Variants in ST3GAL3 observed in about 807,000 individuals in gnomAD.
The protein encoded by ST3GAL3 is ST3 beta-galactoside alpha-2,3-sialyltransferase 3.
A neutral mutation model predicts 50.1 loss-of-function variants in ST3GAL3; 21 were observed. That is an observed-to-expected ratio of 0.42 (90% CI 0.30 to 0.60). The LOEUF is 0.60. ST3GAL3 is among the 20% of genes least tolerant of loss of function. The pLI, the probability that ST3GAL3 is intolerant of heterozygous loss-of-function variation, is 0.19. For synonymous variants in ST3GAL3, 183 were observed against 190.0 expected (o/e 0.96, Z 0.30); for missense variants, 353 against 489.4 (o/e 0.72, Z 2.63).
At chr1:43,917,403 C>T (rs1410210202) in intron 9 of ST3GAL3, among the ~76,000 whole-genome samples, 1 of 126,668 alleles carries the variant, frequency 7.9e-6, no homozygotes, top group African/African-American at 3.1e-5. Flanking sequence ...AAAATTTTTA[C>T]CACTTTTTTG....
intron 2 of ST3GAL3, among the ~76,000 whole-genome samples, chr1:43,740,527 T>C (rs1195779710): frequency 1.3e-5 from 2 of 152,084 alleles, no homozygotes; most frequent in Non-Finnish European, 2.9e-5. Context: ...GGTTCACATC[T>C]GGAATTCCAG....
chr1:43,798,897 A>G (rs1558346702), intron 3 of ST3GAL3, among the ~76,000 whole-genome samples: 1 of 152,236 alleles, frequency 6.6e-6, no homozygotes, highest in Non-Finnish European at 1.5e-5. Context: ...TAAAGAATAG[A>G]AAATTAGGAA....
At chr1:43,876,857 C>T (rs1334188796) in intron 5 of ST3GAL3, among the ~76,000 whole-genome samples, 3 of 152,172 alleles carry the variant, frequency 2.0e-5, no homozygotes, top group Non-Finnish European at 4.4e-5. Context: ...TCATTCATTA[C>T]CTATAATATG....
At chr1:43,883,158 A>G (rs1169992862) in intron 5 of ST3GAL3, among the ~76,000 whole-genome samples, 1 of 151,860 alleles carries the variant, frequency 6.6e-6, no homozygotes, top group Non-Finnish European at 1.5e-5. Context: ...TCATAATGAC[A>G]GGGTCTCAGT....
chr1:43,854,398 T>C (rs930350836), intron 5 of ST3GAL3, among the ~76,000 whole-genome samples: 1 of 152,192 alleles, frequency 6.6e-6, no homozygotes, highest in Non-Finnish European at 1.5e-5. Flanking sequence ...TATTGATCTC[T>C]TCCTCCATTT....
intron 5 of ST3GAL3, among the ~76,000 whole-genome samples, chr1:43,857,637 T>TTCCTTCCTTCCTTC (rs2068839334): frequency 6.8e-6 from 1 of 147,056 alleles, no homozygotes; most frequent in Non-Finnish European, 1.5e-5. Flanking sequence ...CCTTCCTTCC[T>TTCCTTCCTTCCTTC]CGGAGTCTTG....
chr1:43,879,755 C>G (rs2074776849), intron 5 of ST3GAL3, among the ~76,000 whole-genome samples: 2 of 152,232 alleles, frequency 1.3e-5, no homozygotes, highest in African/African-American at 4.8e-5. Context: ...AGCTTGGCCC[C>G]TGCCTTCCTC....
chr1:43,826,928 CTA>C (rs1558478229), intron 4 of ST3GAL3, among the ~76,000 whole-genome samples: 1 of 152,152 alleles, frequency 6.6e-6, no homozygotes, highest in Non-Finnish European at 1.5e-5. Context: ...TATCAGCAAA[CTA>C]TGAGTAGAGG....
chr1:43,886,591 G>T (rs949092801), intron 5 of ST3GAL3, among the ~76,000 whole-genome samples: 2 of 152,170 alleles, frequency 1.3e-5, no homozygotes, highest in Non-Finnish European at 2.9e-5. Flanking sequence ...GAGCAGAGGT[G>T]TACATTTCAG....
intron 2 of ST3GAL3, among the ~76,000 whole-genome samples, chr1:43,768,545 C>A (rs943780093): frequency 5.9e-5 from 9 of 152,206 alleles, no homozygotes; most frequent in African/African-American, 2.2e-4. Flanking sequence ...TGCCAGTGAA[C>A]AATGCCAGGA....
intron 5 of ST3GAL3, among the ~76,000 whole-genome samples, chr1:43,858,635 C>G (rs1025322220): frequency 3.3e-5 from 5 of 152,330 alleles, no homozygotes; most frequent in Admixed American, 2.6e-4. Flanking sequence ...GCAAGCAGCC[C>G]TGTGAGTTCC....
chr1:43,930,301 C>A lies in ST3GAL3; in HGVS notation c.*80C>A. 7.2e-7 allele frequency: 1 copy of A among 1,397,738 alleles called. No individual in the cohort carries two copies. The highest frequency in any genetic ancestry group is 1.0e-6 in the Non-Finnish European group (1 of 989,900). 86.6% of individuals were successfully genotyped at this position (1,397,738 alleles called of 1,614,324 possible). On this transcript the variant is annotated 3_prime_UTR_variant, in exon 12 of 12. Transcript: ENST00000347631. ...CACCACCTACACAGGAGTCTTCAGA[C>A]CCAGAGAAGGACGGTGCCAAGGGCC...
At position 43,840,488 on chromosome 1, in the gene ST3GAL3, A is replaced by T. The variant is rs1044337136; in HGVS notation, c.302+2177A>T. The T allele has an allele frequency of 2.0e-5, 3 of 152,132 alleles. No individual in the cohort carries two copies. The East Asian group carries it at 5.8e-4, about 29-fold the overall frequency. The allele number at this position is 152,132 out of a possible 1,614,324, so 9.4% of individuals were successfully genotyped here. ...TCTTAACTCATTCTAGCATTAACTCAAAAGTCCTACTGTGGTCCTGTGATC... is the reference window on the plus strand; with the variant it reads ...TCTTAACTCATTCTAGCATTAACTCTAAAGTCCTACTGTGGTCCTGTGATC... On this transcript the variant is annotated intron_variant, in intron 5 of 11. Transcript: ENST00000347631.
At chr1:43,711,292 G>A (rs1664645614) in intron 1 of ST3GAL3, among the ~76,000 whole-genome samples, 1 of 152,232 alleles carries the variant, frequency 6.6e-6, no homozygotes, top group Non-Finnish European at 1.5e-5. Flanking sequence ...ATATGGTACT[G>A]CCATGACCAT....
In ST3GAL3 at chr1:43,899,465, C is replaced by T. The variant is rs751448505; in HGVS notation, c.558-76C>T. ...CAGGTGACCTGGACTCCCTATTCTC[C>T]ATGCCTGGGATAGTCTGGGGTCATG... On this transcript the variant is annotated intron_variant, in intron 8 of 11. Transcript: ENST00000347631. The surrounding 1 kb of genome is among the most constrained non-coding windows in gnomAD (Gnocchi z 5.4). The T allele has an allele frequency of 6.3e-7, 1 of 1,597,974 alleles. No individual in the cohort carries two copies. Among genetic ancestry groups the T allele is most frequent in the Non-Finnish European group, 8.5e-7 (1 of 1,173,934 alleles).
At chr1:43,772,941 A>G (rs944183905) in intron 2 of ST3GAL3, among the ~76,000 whole-genome samples, 4 of 151,798 alleles carry the variant, frequency 2.6e-5, no homozygotes, top group African/African-American at 4.8e-5. Flanking sequence ...TAGAGATGGG[A>G]TTTCACCATG....
At chr1:43,827,731 C>T (rs927472079) in intron 4 of ST3GAL3, among the ~76,000 whole-genome samples, 1 of 152,050 alleles carries the variant, frequency 6.6e-6, no homozygotes, top group Non-Finnish European at 1.5e-5. Context: ...GGGCTGGTGT[C>T]AAACTCCTGG....
intron 2 of ST3GAL3, among the ~76,000 whole-genome samples, chr1:43,783,936 A>G (rs1572795919): frequency 6.6e-6 from 1 of 152,036 alleles, no homozygotes. Context: ...ATAGTCTTTG[A>G]TGTGTCAAAG....
intron 5 of ST3GAL3, among the ~76,000 whole-genome samples, chr1:43,853,711 T>C (rs774639185): frequency 9.8e-5 from 15 of 152,312 alleles, no homozygotes; most frequent in Non-Finnish European, 1.8e-4. Context: ...GGCTGGGGTG[T>C]GTGGTGTGTA....
Sources: allele counts gnomAD v4.1 joint callset (sites outside exome capture counted in the v4.1 genomes callset), GRCh38; gene constraint gnomAD v4.1.1; non-coding constraint Gnocchi (gnomAD v3.1); transcripts MANE v1.5; gene names NCBI Gene and HGNC (gene_info 2026-07-23, HGNC 2026-07-21).